The following CACNA1D variants were observed in gnomAD, a reference collection of about 807,000 sequenced individuals.
The protein encoded by CACNA1D is calcium voltage-gated channel subunit alpha1 D, also known as voltage-dependent L-type calcium channel subunit alpha-1D.
In CACNA1D, 55 loss-of-function variants were observed where a neutral mutation model predicts 257.1. That is an observed-to-expected ratio of 0.21 (90% CI 0.17 to 0.27). The LOEUF (loss-of-function observed/expected upper bound fraction) is 0.27, where lower values mean the gene tolerates loss of function less well. Among genes scored for constraint, CACNA1D ranks in the 10% least tolerant of loss-of-function variants. The pLI is 1.00. For missense variants in CACNA1D, 1,876 were observed against 2,784.0 expected, an observed-to-expected ratio of 0.67 and a Z score of 7.34; for synonymous variants, 980 against 1,014.9, an observed-to-expected ratio of 0.97 and a Z score of 0.65.
chr3:53,613,230 A>G (rs1253908562), intron 3 of CACNA1D, among the ~76,000 whole-genome samples: 2 of 152,224 alleles, frequency 1.3e-5, no homozygotes, highest in Admixed American at 6.5e-5. Flanking sequence ...TGGTTTTTCT[A>G]TGCTTTGCAT....
At chr3:53,611,092 C>T (rs1192532211) in intron 3 of CACNA1D, among the ~76,000 whole-genome samples, 1 of 152,184 alleles carries the variant, frequency 6.6e-6, no homozygotes, top group South Asian at 2.1e-4. Context: ...TCAGAACTTT[C>T]TTTTGGCCAG....
chr3:53,682,947 A>G (rs1397037653), intron 8 of CACNA1D, among the ~76,000 whole-genome samples: 1 of 152,238 alleles, frequency 6.6e-6, no homozygotes, highest in Non-Finnish European at 1.5e-5. Flanking sequence ...CACATGAGGT[A>G]AACTCCGCAG....
chr3:53,661,202 G>A (rs550198810), intron 5 of CACNA1D, among the ~76,000 whole-genome samples: 3 of 152,208 alleles, frequency 2.0e-5, no homozygotes, highest in Admixed American at 1.3e-4. Context: ...TGGGATTGCA[G>A]GGTGTGCCTG....
chr3:53,763,852 A>G (rs868199384), intron 30 of CACNA1D, among the ~76,000 whole-genome samples: 23 of 152,294 alleles, frequency 1.5e-4, no homozygotes, highest in South Asian at 2.1e-4. Flanking sequence ...TCATGGGCCA[A>G]GTGGGGTGAA....
chr3:53,775,311 T>C (rs573958766), intron 34 of CACNA1D, among the ~76,000 whole-genome samples: 1 of 152,300 alleles, frequency 6.6e-6, no homozygotes, highest in South Asian at 2.1e-4. Context: ...GTGCAGTGGC[T>C]CACGCCTGTA....
chr3:53,518,719 T>C lies in CACNA1D; in HGVS notation c.483+16999T>C, dbSNP rs78432366. Among the ~76,000 whole-genome samples, 1,212 of 152,334 alleles carry C rather than the reference T, an allele frequency of 8.0e-3. 89 individuals are homozygous for C. The South Asian group carries it at 0.15, about 19-fold the overall frequency. The stretch of plus-strand genomic sequence containing the variant: ...CTTTTCTTTAAGAAACTCTTGAGTA[T>C]TTGTAAGAAAATCAAATCTATCTTC... On this transcript the variant is annotated intron_variant, in intron 3 of 47. Transcript: ENST00000350061.
chr3:53,681,478 A>G (rs772189931), intron 8 of CACNA1D, among the ~76,000 whole-genome samples: 1 of 151,818 alleles, frequency 6.6e-6, no homozygotes, highest in South Asian at 2.1e-4. Context: ...CATTTAATGA[A>G]TTTTTTTTCA....
At chr3:53,740,853 G>A (rs1400425627) in intron 21 of CACNA1D, among the ~76,000 whole-genome samples, 1 of 152,182 alleles carries the variant, frequency 6.6e-6, no homozygotes, top group East Asian at 1.9e-4. Context: ...ATCCTATGAA[G>A]AGGATGTCTC....
At chr3:53,717,125 A>G (rs1197017094) in intron 9 of CACNA1D, among the ~76,000 whole-genome samples, 1 of 152,270 alleles carries the variant, frequency 6.6e-6, no homozygotes, top group Non-Finnish European at 1.5e-5. Flanking sequence ...TCCTGAAGAC[A>G]TCGTAAGGTC....
At chr3:53,574,139 T>G (rs1251727369) in intron 3 of CACNA1D, among the ~76,000 whole-genome samples, 1 of 152,190 alleles carries the variant, frequency 6.6e-6, no homozygotes, top group African/African-American at 2.4e-5. Context: ...GCTCAGTGTT[T>G]CCACACGTTT....
Position 53,744,785 on chromosome 3 carries a change from C to A in CACNA1D, c.2964C>A (p.Val988=). 2 of 1,610,430 alleles carry A rather than the reference C, an allele frequency of 1.2e-6. No homozygotes were observed. Among genetic ancestry groups the A allele is most frequent in the Non-Finnish European group, 1.7e-6 (2 of 1,176,600 alleles). The change falls in exon 23 of 48, where the codon GTC becomes GTA. Residue 988 remains valine (V), a synonymous_variant. Transcript: ENST00000350061. Reference sequence around the variant, plus strand: ...TGAAGATTCTGAGGGTCTTAAGGGTCCTGCGTCCCCTCAGGGCCATCAACA... The same window carrying A: ...TGAAGATTCTGAGGGTCTTAAGGGTACTGCGTCCCCTCAGGGCCATCAACA... ...SVVKILRVLR[V]LRPLRAINRA... is the part of the protein sequence containing the mutation.
At chr3:53,651,101 T>A in intron 4 of CACNA1D, 183 bp downstream of exon 4, 1 of 605,404 alleles carries the variant, frequency 1.7e-6, no homozygotes, top group Non-Finnish European at 2.9e-6. Flanking sequence ...TCTGGGCAGA[T>A]ACTAGTTTGA....
At chr3:53,588,594 G>A (rs534744685) in intron 3 of CACNA1D, among the ~76,000 whole-genome samples, 9 of 152,158 alleles carry the variant, frequency 5.9e-5, no homozygotes, top group Non-Finnish European at 8.8e-5. Flanking sequence ...CTCTAGCTGC[G>A]ACAGACACAT....
rs1430487408 is a variant in CACNA1D, at chr3:53,495,214, G to A, written c.48G>A (p.Gln16=). ...MMKKMQHQRQ[Q]QADHANEANY... ...AAAAAATGCAGCATCAACGGCAGCA[G>A]CAAGCGGACCACGCGAACGGTGAGC... The change falls in exon 1 of 48, where the codon CAG becomes CAA. Residue 16 remains glutamine, a synonymous_variant. Coordinates refer to ENST00000350061, the MANE Select transcript of CACNA1D (RefSeq NM_001128840.3). The surrounding 1 kb of genome is among the most constrained non-coding windows in gnomAD (Gnocchi z 5.1). 6.2e-7 allele frequency: 1 copy of A among 1,613,812 alleles called. No homozygotes were observed.
At chr3:53,721,445 T>G (rs977783413) in intron 11 of CACNA1D, among the ~76,000 whole-genome samples, 3 of 152,144 alleles carry the variant, frequency 2.0e-5, no homozygotes, top group African/African-American at 7.2e-5. Context: ...TGGCTGACCT[T>G]TCCACGGGAT....
At chr3:53,496,270 C>CG (rs969969725) in intron 1 of CACNA1D, among the ~76,000 whole-genome samples, 1 of 152,176 alleles carries the variant, frequency 6.6e-6, no homozygotes, top group Non-Finnish European at 1.5e-5. Flanking sequence ...CCAAAGCTGG[C>CG]GGGGGCTTCG....
chr3:53,644,256 A>G (rs1035045519), intron 3 of CACNA1D, among the ~76,000 whole-genome samples: 27 of 152,212 alleles, frequency 1.8e-4, no homozygotes, highest in African/African-American at 6.5e-4. Flanking sequence ...ATATGCATAC[A>G]CTGCGGAATG....
At chr3:53,711,041 G>A (rs1490438046) in intron 9 of CACNA1D, among the ~76,000 whole-genome samples, 1 of 152,058 alleles carries the variant, frequency 6.6e-6, no homozygotes, top group African/African-American at 2.4e-5. Context: ...GACTAGCCTG[G>A]GCAACAAAGT....
chr3:53,584,795 G>A (rs2093186808), intron 3 of CACNA1D, among the ~76,000 whole-genome samples: 1 of 152,170 alleles, frequency 6.6e-6, no homozygotes, highest in African/African-American at 2.4e-5. Flanking sequence ...AGGCTTAAGA[G>A]TGTGTGTCTG....
Sources: allele counts gnomAD v4.1 joint callset (sites outside exome capture counted in the v4.1 genomes callset), GRCh38; gene constraint gnomAD v4.1.1; non-coding constraint Gnocchi (gnomAD v3.1); transcripts MANE v1.5; gene names NCBI Gene and HGNC (gene_info 2026-07-23, HGNC 2026-07-21).